Variants in GNG4 observed in about 807,000 individuals in gnomAD.
GNG4 encodes guanine nucleotide-binding protein G(I)/G(S)/G(O) subunit gamma-4.
Under a neutral mutation model 5.8 loss-of-function variants are expected in GNG4, and 4 were observed. The observed-to-expected ratio is 0.69, with a 90% CI of 0.34 to 1.57. The LOEUF is 1.57. Among genes scored for constraint, GNG4 ranks in the 40% most tolerant of loss-of-function variants. GNG4 has a pLI of 0.06. For missense variants in GNG4, 96 were observed against 95.1 expected (o/e 1.01, Z -0.04); for synonymous variants, 29 against 32.9 (o/e 0.88, Z 0.41).
intron 3 of GNG4, among the ~76,000 whole-genome samples, chr1:235,580,264 C>T (rs951394216): frequency 3.3e-5 from 5 of 152,120 alleles, no homozygotes; most frequent in East Asian, 1.9e-4. Context: ...ATGGGCAGGG[C>T]GAATGGGGAG....
intron 1 of GNG4, among the ~76,000 whole-genome samples, chr1:235,629,740 T>C (rs1310059032): frequency 6.6e-6 from 1 of 152,032 alleles, no homozygotes; most frequent in East Asian, 1.9e-4. Flanking sequence ...GGGACTAGCA[T>C]GCCACCATGC....
chr1:235,557,200 C>T (rs758874113), intron 3 of GNG4, among the ~76,000 whole-genome samples: 2 of 152,144 alleles, frequency 1.3e-5, no homozygotes, highest in Non-Finnish European at 2.9e-5. Flanking sequence ...ACACTGTATA[C>T]AGAATCTATA....
At chr1:235,552,436 G>C (rs1345599197) in intron 3 of GNG4, among the ~76,000 whole-genome samples, 199 bp from the exon 4 acceptor site, 2 of 152,182 alleles carry the variant, frequency 1.3e-5, no homozygotes, top group African/African-American at 4.8e-5. Context: ...CTCCAAGAAG[G>C]GGAGGCTGCC....
upstream of GNG4, among the ~76,000 whole-genome samples, chr1:235,650,184 G>C (rs2102994022): frequency 7.0e-6 from 1 of 143,232 alleles, no homozygotes; most frequent in Non-Finnish European, 1.5e-5. Flanking sequence ...CCGCGCCCCC[G>C]CCCCGCCCCC....
intron 1 of GNG4, among the ~76,000 whole-genome samples, chr1:235,596,251 C>CT (rs1558490887): frequency 4.8e-5 from 7 of 146,664 alleles, no homozygotes; most frequent in Admixed American, 2.7e-4. Context: ...CACACACACA[C>CT]ACCTGGCCGG....
At chr1:235,634,847 T>C (rs1218725047) in intron 1 of GNG4, among the ~76,000 whole-genome samples, 1 of 152,086 alleles carries the variant, frequency 6.6e-6, no homozygotes, top group African/African-American at 2.4e-5. Flanking sequence ...GGCAGAAGAA[T>C]AGCTTGAACC....
intron 3 of GNG4, among the ~76,000 whole-genome samples, chr1:235,561,871 A>G (rs1006393531): frequency 6.6e-6 from 1 of 152,224 alleles, no homozygotes; most frequent in African/African-American, 2.4e-5. Context: ...TGTTGTATCT[A>G]AAAACTCTTT....
At chr1:235,562,117 A>T (rs1368326236) in intron 3 of GNG4, among the ~76,000 whole-genome samples, 1 of 152,110 alleles carries the variant, frequency 6.6e-6, no homozygotes, top group Non-Finnish European at 1.5e-5. Context: ...AGCTGGCTAT[A>T]TTTACATGGG....
At chr1:235,588,901 C>T (rs1426030368) in intron 2 of GNG4, 3 of 152,496 alleles carry the variant, frequency 2.0e-5, no homozygotes. Flanking sequence ...TCCTCCACAG[C>T]AGAGCCTGTA....
intron 3 of GNG4, among the ~76,000 whole-genome samples, chr1:235,573,281 G>A (rs113230485): frequency 0.02 from 2,867 of 144,614 alleles, 101 homozygotes; most frequent in African/African-American, 0.069. Context: ...GAACAATATC[G>A]CTTGGGCACA....
rs1657357598 is a variant in GNG4 at position 235,642,345 on chromosome 1, C to A, written c.-123+7317G>T. On this transcript the variant is annotated intron_variant, in intron 1 of 3. Coordinates refer to ENST00000391854, the MANE Select transcript of GNG4 (RefSeq NM_001098722.2). This position sits in a 1 kb window ranked among gnomAD's most constrained non-coding sequence, Gnocchi z 4.3. ...GTGGGAAAAGAGTGACCGGGGGCAA[C>A]TGAGCAAAACATAGAACAGAAACTC... is the stretch of plus-strand genomic sequence containing the variant. Among the ~76,000 whole-genome samples, 1 of 152,170 alleles carries A rather than the reference C, an allele frequency of 6.6e-6. No individual in the cohort carries two copies.
At chr1:235,571,072 A>G (rs532686849) in intron 3 of GNG4, among the ~76,000 whole-genome samples, 4 of 151,710 alleles carry the variant, frequency 2.6e-5, no homozygotes, top group African/African-American at 9.7e-5. Context: ...AAGTGCTGGA[A>G]TTACAGGTGT....
intron 3 of GNG4, among the ~76,000 whole-genome samples, chr1:235,566,500 C>CTGAT (rs1687201759): frequency 6.6e-6 from 1 of 152,212 alleles, no homozygotes; most frequent in Non-Finnish European, 1.5e-5. Context: ...AGGGCTTCCA[C>CTGAT]TGATTCTACA....
intron 3 of GNG4, among the ~76,000 whole-genome samples, chr1:235,568,794 T>C (rs544976763): frequency 4.5e-5 from 1 of 22,368 alleles, no homozygotes; most frequent in African/African-American, 1.1e-4. Context: ...TTTTCTTTCC[T>C]TTTTTTTTTT....
chr1:235,571,706 C>T (rs1359236646), intron 3 of GNG4, among the ~76,000 whole-genome samples: 1 of 152,198 alleles, frequency 6.6e-6, no homozygotes, highest in Non-Finnish European at 1.5e-5. Flanking sequence ...GATTTCATCA[C>T]TGTAAGAACA....
chr1:235,585,200 T>TTTTTCC (rs987295402), intron 2 of GNG4, among the ~76,000 whole-genome samples: 3 of 149,574 alleles, frequency 2.0e-5, no homozygotes, highest in Non-Finnish European at 3.0e-5. Flanking sequence ...CCTATGCTTC[T>TTTTTCC]TTTTCCTTTT....
At chr1:235,631,899 G>A (rs768627285) in intron 1 of GNG4, among the ~76,000 whole-genome samples, 2 of 151,976 alleles carry the variant, frequency 1.3e-5, no homozygotes, top group Non-Finnish European at 2.9e-5. Flanking sequence ...GTGGCAATAC[G>A]TGGATGAGTT....
At chr1:235,577,073 T>C (rs1341022639) in intron 3 of GNG4, among the ~76,000 whole-genome samples, 3 of 152,228 alleles carry the variant, frequency 2.0e-5, no homozygotes, top group Non-Finnish European at 4.4e-5. Context: ...CTTATTTTCC[T>C]GGGCGGCAAA....
chr1:235,645,623 C>T (rs1307759728), intron 1 of GNG4, among the ~76,000 whole-genome samples: 2 of 151,922 alleles, frequency 1.3e-5, no homozygotes, highest in African/African-American at 4.8e-5. Flanking sequence ...CGTGGAGAAA[C>T]CCCGTCTCTA....
Sources: allele counts gnomAD v4.1 joint callset (sites outside exome capture counted in the v4.1 genomes callset), GRCh38; gene constraint gnomAD v4.1.1; non-coding constraint Gnocchi (gnomAD v3.1); transcripts MANE v1.5; gene names NCBI Gene and HGNC (gene_info 2026-07-23, HGNC 2026-07-21).